SESN1: variants seen among roughly 807,000 people sequenced by gnomAD.
SESN1 encodes the protein sestrin-1.
A neutral mutation model predicts 59.3 loss-of-function variants in SESN1; 30 were observed. That is an observed-to-expected ratio of 0.51 (90% confidence interval 0.38 to 0.69). SESN1 has a LOEUF of 0.69. Ranked by LOEUF, SESN1 falls within the 30% of genes least tolerant of loss-of-function variation. SESN1 has a pLI of 0.00. For missense variants in SESN1, 566 were observed against 673.0 expected (o/e 0.84, Z 1.76); for synonymous variants, 197 against 219.9 (o/e 0.90, Z 0.92).
Position 109,067,339 on chromosome 6 carries a change from C to T in SESN1, c.279+26456G>A, listed in dbSNP as rs561170437. On this transcript the variant is annotated intron_variant, in intron 1 of 9. Transcript: ENST00000436639. ...TCCTGCACAGTGCCCACCCTGCTGT[C>T]ACTCCACAGATCATCATTAATGTGT... Among the ~76,000 whole-genome samples the T allele has an allele frequency of 5.8e-4, 88 of 152,300 alleles. No individual in the cohort carries two copies. In the Middle Eastern group the frequency reaches 0.02, roughly 35 times the overall value.
intron 1 of SESN1, among the ~76,000 whole-genome samples, chr6:109,014,283 T>G (rs1779901385): frequency 6.6e-6 from 1 of 152,208 alleles, no homozygotes; most frequent in Non-Finnish European, 1.5e-5. Flanking sequence ...CTGATAATAA[T>G]AAGACCAGTA....
At chr6:109,037,888 G>A (rs1405697701) in intron 1 of SESN1, among the ~76,000 whole-genome samples, 1 of 151,834 alleles carries the variant, frequency 6.6e-6, no homozygotes, top group East Asian at 1.9e-4. Context: ...TTTAGTTGAT[G>A]TTCAACGATG....
intron 4 of SESN1, 107 bp downstream of exon 4, chr6:109,000,384 G>T: frequency 2.6e-6 from 2 of 781,996 alleles, no homozygotes; most frequent in Non-Finnish European, 3.8e-6. Context: ...GATTCAGGGG[G>T]TAGAAAATAG....
intron 1 of SESN1, among the ~76,000 whole-genome samples, chr6:109,011,503 A>G (rs1044600783): frequency 2.0e-5 from 3 of 152,136 alleles, no homozygotes; most frequent in African/African-American, 7.2e-5. Flanking sequence ...AAAGAGTACT[A>G]ATTTCTTGTT....
intron 2 of SESN1, among the ~76,000 whole-genome samples, 196 bp from the exon 3 acceptor site, chr6:109,001,684 A>G (rs1280624219): frequency 1.3e-5 from 2 of 152,186 alleles, no homozygotes; most frequent in African/African-American, 4.8e-5. Context: ...GTAGGGGATA[A>G]ACAACAAAGG....
At chr6:109,078,701 GT>G (rs1263412743) in intron 1 of SESN1, among the ~76,000 whole-genome samples, 2 of 151,958 alleles carry the variant, frequency 1.3e-5, no homozygotes, top group Non-Finnish European at 2.9e-5. Flanking sequence ...GTTTTCTTTT[GT>G]TTTTACATCC....
chr6:108,995,467 G>C (rs900891388), intron 5 of SESN1, among the ~76,000 whole-genome samples: 2 of 152,192 alleles, frequency 1.3e-5, no homozygotes, highest in African/African-American at 2.4e-5. Flanking sequence ...GGGATGACTA[G>C]AGCAGTGTCA....
At chr6:109,025,324 G>A (rs1201167033) in intron 1 of SESN1, among the ~76,000 whole-genome samples, 2 of 151,758 alleles carry the variant, frequency 1.3e-5, no homozygotes, top group Non-Finnish European at 1.5e-5. Context: ...TTAAAAGCAA[G>A]GTAAATATTT....
chr6:109,061,897 A>G (rs1433713300), intron 1 of SESN1, among the ~76,000 whole-genome samples: 1 of 152,266 alleles, frequency 6.6e-6, no homozygotes, highest in Non-Finnish European at 1.5e-5. Context: ...AAACCCTGAT[A>G]TGGTCTCTAC....
chr6:109,044,456 G>A (rs1780391921), intron 1 of SESN1, among the ~76,000 whole-genome samples: 1 of 149,276 alleles, frequency 6.7e-6, no homozygotes, highest in Non-Finnish European at 1.5e-5. Flanking sequence ...AAAACAAAAT[G>A]ATTCTAGACA....
Position 109,051,047 on chromosome 6 carries a change from A to C in SESN1, c.279+42748T>G, listed in dbSNP as rs372719695. 2.6e-5 allele frequency among the ~76,000 whole-genome samples: 4 copies of C among 152,204 alleles called. No homozygotes were observed. The South Asian group carries it at 8.3e-4, about 32-fold the overall frequency. ...CTTTTTTGAACTGATTCCTGAAGCT[A>C]ATCACCAAATATTAATGCTGCTTAG... On this transcript the variant is annotated intron_variant, in intron 1 of 9. Coordinates refer to ENST00000436639, the MANE Select transcript of SESN1 (RefSeq NM_014454.3).
chr6:109,076,342 G>C (rs1050529667), intron 1 of SESN1, among the ~76,000 whole-genome samples: 2 of 152,120 alleles, frequency 1.3e-5, no homozygotes, highest in African/African-American at 4.8e-5. Flanking sequence ...CTTTCAATAA[G>C]TTTTCAATAC....
At chr6:109,063,757 C>T (rs936739454) in intron 1 of SESN1, among the ~76,000 whole-genome samples, 2 of 152,068 alleles carry the variant, frequency 1.3e-5, no homozygotes, top group African/African-American at 4.8e-5. Flanking sequence ...TCTATAAATT[C>T]GTCACCAGGG....
chr6:109,090,836 C>T (rs1367717800), intron 1 of SESN1, among the ~76,000 whole-genome samples: 5 of 152,206 alleles, frequency 3.3e-5, no homozygotes, highest in Admixed American at 3.3e-4. Flanking sequence ...ATGAGACAAT[C>T]ACAGCTCACT....
At chr6:108,993,425 T>G (rs1779433021) in intron 6 of SESN1, among the ~76,000 whole-genome samples, 2 of 152,194 alleles carry the variant, frequency 1.3e-5, no homozygotes, top group African/African-American at 2.4e-5. Flanking sequence ...TATAGTTTCA[T>G]GTAAGTGTAT....
Position 109,094,093 on chromosome 6 carries a change from C to T in SESN1, c.-20G>A, listed in dbSNP as rs779155060. Reference sequence around the variant, plus strand: ...AGCCATGACAATAGTTTTTCCTTTGCGGTCTTCAGTTACCTTTCAGCATGC... The same window carrying T: ...AGCCATGACAATAGTTTTTCCTTTGTGGTCTTCAGTTACCTTTCAGCATGC... On this transcript the variant is annotated 5_prime_UTR_variant, in exon 1 of 10. Transcript: ENST00000436639. 8 of 1,597,710 alleles carry T rather than the reference C, an allele frequency of 5.0e-6. No individual in the cohort carries two copies. In the South Asian group the frequency reaches 6.7e-5, roughly 13 times the overall value.
intron 1 of SESN1, among the ~76,000 whole-genome samples, chr6:109,008,458 T>C (rs1476089931): frequency 1.3e-5 from 2 of 152,236 alleles, no homozygotes. Context: ...AAATATTTGG[T>C]GCTTTACAAC....
At chr6:108,991,505 G>A (rs551157946) in intron 7 of SESN1, among the ~76,000 whole-genome samples, 1 of 152,296 alleles carries the variant, frequency 6.6e-6, no homozygotes, top group South Asian at 2.1e-4. Context: ...GTCTCTCAAA[G>A]TGCTGGGATT....
intron 1 of SESN1, among the ~76,000 whole-genome samples, chr6:109,044,311 C>CA (rs71015570): frequency 0.012 from 349 of 28,458 alleles, 88 homozygotes; most frequent in East Asian, 0.031. Context: ...GAACTTGCCT[C>CA]AAAAAAAAAA....
Sources: allele counts gnomAD v4.1 joint callset (sites outside exome capture counted in the v4.1 genomes callset), GRCh38; gene constraint gnomAD v4.1.1; transcripts MANE v1.5; gene names NCBI Gene and HGNC (gene_info 2026-07-23, HGNC 2026-07-21).